WDFY4: variants seen among roughly 807,000 people sequenced by gnomAD.
WDFY4 encodes the protein WDFY family member 4, also known as WD repeat- and FYVE domain-containing protein 4.
WDFY4 carries 169 observed loss-of-function variants against 351.9 expected under a neutral mutation model. The ratio of observed to expected loss-of-function variants is 0.48; its 90% CI spans 0.42 to 0.55. WDFY4 has a LOEUF of 0.55. Among genes scored for constraint, WDFY4 ranks in the 20% least tolerant of loss-of-function variants. The pLI is 0.00. For missense variants in WDFY4, 3,803 were observed against 3,935.6 expected (o/e 0.97, Z 0.90); for synonymous variants, 1,622 against 1,574.6 (o/e 1.03, Z -0.71).
At position 48,941,818 on chromosome 10, in the gene WDFY4, C is replaced by G. The variant is rs1274036607; in HGVS notation, c.7599C>G (p.Gly2533=). The change falls in exon 48 of 62, where the codon GGC becomes GGG. Residue 2533 remains glycine (G), a synonymous_variant. Transcript: ENST00000325239. ...TTCTGTCCCACAGGAGATACCCCGG[C>G]TCTGACAGGATCATGCTGCAGAAGT... ...EDTLSLRRYP[G]SDRIMLQKWQ... 3 of 1,552,240 alleles carry G rather than the reference C, an allele frequency of 1.9e-6. No homozygotes were observed.
chr10:48,755,733 A>G (rs1259143940), intron 12 of WDFY4, among the ~76,000 whole-genome samples: 4 of 152,106 alleles, frequency 2.6e-5, no homozygotes, highest in African/African-American at 9.7e-5. Flanking sequence ...CTTTTCACCA[A>G]TATTGTCTTG....
intron 13 of WDFY4, among the ~76,000 whole-genome samples, chr10:48,768,696 CACG>C (rs2065756232): frequency 7.0e-6 from 1 of 141,988 alleles, no homozygotes; most frequent in South Asian, 2.4e-4. Context: ...AGCAGCCACC[CACG>C]GTGTTGTGGG....
At chr10:48,913,738 G>T (rs1838231215) in intron 47 of WDFY4, 3 of 1,613,512 alleles carry the variant, frequency 1.9e-6, no homozygotes, top group Non-Finnish European at 2.5e-6. Context: ...AGGGCCCCCA[G>T]TGTGGTGGGC....
intron 5 of WDFY4, 39 bp downstream of exon 5, chr10:48,723,606 C>T: frequency 6.5e-7 from 1 of 1,550,342 alleles, no homozygotes; most frequent in Non-Finnish European, 8.7e-7. Flanking sequence ...TGGGTCAAAA[C>T]CTCACTTCGG....
At chr10:48,814,186 G>A in intron 31 of WDFY4, 104 bp downstream of exon 31, 2 of 1,381,604 alleles carry the variant, frequency 1.4e-6, no homozygotes, top group South Asian at 1.6e-5. Context: ...ACTAATGCAA[G>A]TAATTAGCCA....
intron 47 of WDFY4, among the ~76,000 whole-genome samples, chr10:48,924,743 A>T (rs1049815193): frequency 6.6e-5 from 10 of 152,234 alleles, no homozygotes; most frequent in Non-Finnish European, 8.8e-5. Flanking sequence ...TATCTAAATT[A>T]AAAAAGTAAT....
At chr10:48,902,218 C>T (rs1278394594) in intron 47 of WDFY4, among the ~76,000 whole-genome samples, 1 of 152,236 alleles carries the variant, frequency 6.6e-6, no homozygotes, top group East Asian at 1.9e-4. Context: ...CATGCTGTCC[C>T]TCCTGTGATG....
chr10:48,793,906 C>T lies in WDFY4; in HGVS notation c.4258-2392C>T, dbSNP rs138872847. Among the ~76,000 whole-genome samples, 462 of 152,314 alleles carry T rather than the reference C, an allele frequency of 3.0e-3. 6 individuals carry two copies. Among genetic ancestry groups the T allele is most frequent in the South Asian group, 0.016 (76 of 4,820 alleles). On this transcript the variant is annotated intron_variant, in intron 23 of 61. Transcript: ENST00000325239. ...TGTTATTTCTGTCTAGCTGATTTAT[C>T]AGCCTCTTCTCAGACTAAGCAATAG...
Position 48,903,089 on chromosome 10 carries a change from G to A in WDFY4, c.7586+1226G>A, listed in dbSNP as rs145492895. 7.5e-3 allele frequency among the ~76,000 whole-genome samples: 1,142 copies of A among 152,212 alleles called. 21 individuals are homozygous for A. The highest frequency in any genetic ancestry group is 0.026 in the African/African-American group (1,091 of 41,546). ...CGCGCCACTGCACTCCAGCCTGGGC[G>A]ACAGAGCAAGACTCTGTCTAAAAAA... is the stretch of plus-strand genomic sequence containing the variant. On this transcript the variant is annotated intron_variant, in intron 47 of 61. Transcript: ENST00000325239.
At chr10:48,875,188 G>A (rs780156436) in intron 42 of WDFY4, 48 bp downstream of exon 42, 29 of 1,081,926 alleles carry the variant, frequency 2.7e-5, no homozygotes, top group Non-Finnish European at 3.3e-5. Flanking sequence ...CTAATTATTG[G>A]TTTTATTTAA....
intron 47 of WDFY4, among the ~76,000 whole-genome samples, chr10:48,919,006 A>G (rs1267946837): frequency 2.6e-5 from 4 of 152,224 alleles, no homozygotes; most frequent in Admixed American, 6.5e-5. Context: ...TCTACCTAGC[A>G]ACTGCAGAAT....
intron 12 of WDFY4, among the ~76,000 whole-genome samples, chr10:48,745,308 A>G (rs540148706): frequency 6.6e-6 from 1 of 152,232 alleles, no homozygotes; most frequent in South Asian, 2.1e-4. Flanking sequence ...TTATCCTTTG[A>G]AATTGGTTGA....
At chr10:48,814,843 C>A (rs1399244461) in intron 31 of WDFY4, among the ~76,000 whole-genome samples, 1 of 152,216 alleles carries the variant, frequency 6.6e-6, no homozygotes. Flanking sequence ...GGAATCTTTC[C>A]AGATACTTCT....
chr10:48,906,374 A>G (rs970966229), intron 47 of WDFY4, among the ~76,000 whole-genome samples: 17 of 152,206 alleles, frequency 1.1e-4, no homozygotes, highest in African/African-American at 4.1e-4. Context: ...CCATAACTAT[A>G]TATATGCTAA....
At chr10:48,965,078 CTGT>C (rs1564534493) in intron 54 of WDFY4, among the ~76,000 whole-genome samples, 1 of 152,110 alleles carries the variant, frequency 6.6e-6, no homozygotes. Context: ...GGAAATAAGC[CTGT>C]TAGCCTAATG....
intron 2 of WDFY4, among the ~76,000 whole-genome samples, chr10:48,716,849 C>A (rs111921279): frequency 6.6e-6 from 1 of 152,238 alleles, no homozygotes; most frequent in South Asian, 2.1e-4. Context: ...ATCGTAGCAG[C>A]GTTCTCATTT....
intron 13 of WDFY4, among the ~76,000 whole-genome samples, chr10:48,770,823 T>C (rs1565178306): frequency 1.3e-5 from 2 of 152,230 alleles, no homozygotes; most frequent in Non-Finnish European, 2.9e-5. Context: ...AGATGCCACA[T>C]TCTGGGGAAG....
chr10:48,943,948 T>C (rs1840915323), intron 49 of WDFY4, among the ~76,000 whole-genome samples: 1 of 152,192 alleles, frequency 6.6e-6, no homozygotes, highest in African/African-American at 2.4e-5. Flanking sequence ...TGGGTTCCTG[T>C]CCTGGATCCC....
intron 59 of WDFY4, 49 bp from the exon 60 acceptor site, chr10:48,978,260 G>A: frequency 2.0e-6 from 3 of 1,535,574 alleles, no homozygotes; most frequent in African/African-American, 1.4e-5. Flanking sequence ...CTCCAAGCTT[G>A]CAGACAGGAT....
Sources: gnomAD v4.1 joint callset for allele counts (sites outside exome capture counted in the v4.1 genomes callset) on GRCh38, gnomAD v4.1.1 for gene constraint, MANE v1.5 for transcripts, NCBI Gene and HGNC (gene_info 2026-07-23, HGNC 2026-07-21) for gene names.